Variants in TP53AIP1 observed in about 807,000 individuals in gnomAD.
The protein encoded by TP53AIP1 is p53-regulated apoptosis-inducing protein 1.
TP53AIP1 carries 14 observed loss-of-function variants against 9.5 expected under a neutral mutation model. That is an observed-to-expected ratio of 1.47 (90% confidence interval 0.97 to 2.30). The LOEUF (loss-of-function observed/expected upper bound fraction) is 2.30. Ranked by LOEUF, TP53AIP1 falls within the 30% of genes most tolerant of loss-of-function variation. The pLI, the probability that TP53AIP1 is intolerant of heterozygous loss-of-function variation, is 0.00. For missense variants in TP53AIP1, 153 were observed against 146.7 expected (o/e 1.04, Z -0.22); for synonymous variants, 73 against 61.2 (o/e 1.19, Z -0.90).
downstream of TP53AIP1, chr11:128,935,341 T>C (rs1041949892): frequency 2.1e-6 from 3 of 1,418,458 alleles, no homozygotes; most frequent in African/African-American, 4.3e-5. Context: ...AAGTGGATAT[T>C]ATAGATTGGA....
intron 1 of TP53AIP1, among the ~76,000 whole-genome samples, chr11:128,938,789 G>A (rs1944886936): frequency 6.6e-6 from 1 of 152,144 alleles, no homozygotes; most frequent in African/African-American, 2.4e-5. Context: ...CCACAGAATG[G>A]AGGGAGACAG....
Position 128,937,314 on chromosome 11 carries a change from C to A in TP53AIP1, c.141+364G>T, listed in dbSNP as rs4987001. The A allele has an allele frequency of 3.6e-6, 5 of 1,379,308 alleles. No individual in the cohort carries two copies. In the East Asian group the frequency reaches 8.0e-5, roughly 22 times the overall value. 85.4% of individuals were successfully genotyped at this position (1,379,308 alleles called of 1,614,324 possible). On this transcript the variant is annotated intron_variant, in intron 2 of 3. Coordinates refer to ENST00000531399, the MANE Select transcript of TP53AIP1 (RefSeq NM_022112.3). The surrounding 1 kb of genome is among the most constrained non-coding windows in gnomAD (Gnocchi z 4.8). ...TGCACCCCAGCCTTCCCTCCCCATG[C>A]GCTCCACATGCGTCCTTTGTTCAGC...
At chr11:128,935,889 T>C in intron 3 of TP53AIP1, 177 bp from the exon 4 acceptor site, 1 of 1,319,616 alleles carries the variant, frequency 7.6e-7, no homozygotes, top group Non-Finnish European at 9.6e-7. Context: ...AAAAAAAATC[T>C]TTAGATTTCA....
At chr11:128,941,021 TAGG>T (rs1321862007) in intron 1 of TP53AIP1, among the ~76,000 whole-genome samples, 2 of 128,978 alleles carry the variant, frequency 1.6e-5, no homozygotes, top group Non-Finnish European at 3.5e-5. Flanking sequence ...GGGACAGAGC[TAGG>T]AGAAGGGAGG....
chr11:128,934,866 C>T, downstream of TP53AIP1: 2 of 627,916 alleles, frequency 3.2e-6, no homozygotes, highest in Non-Finnish European at 5.8e-6. Flanking sequence ...GTCATGCCCA[C>T]TGGGGATCCT....
intron 1 of TP53AIP1, among the ~76,000 whole-genome samples, chr11:128,940,883 C>T (rs767130820): frequency 3.9e-5 from 6 of 152,178 alleles, no homozygotes; most frequent in South Asian, 2.1e-4. Flanking sequence ...GCTTCAGCGC[C>T]GCCAGCATCA....
rs1181013615 is a variant in TP53AIP1 at position 128,939,668 on chromosome 11, G to A, written c.-76-1774C>T. 6.6e-6 allele frequency among the ~76,000 whole-genome samples: 1 copy of A among 152,188 alleles called. No individual in the cohort carries two copies. The highest frequency in any genetic ancestry group is 1.9e-4 in the East Asian group (1 of 5,196). On this transcript the variant is annotated intron_variant, in intron 1 of 3. Coordinates refer to ENST00000531399, the MANE Select transcript of TP53AIP1 (RefSeq NM_022112.3). The surrounding 1 kb of genome is among the most constrained non-coding windows in gnomAD (Gnocchi z 4.1). ...CCCGAAACTGTCGGATTCTCTAAGA[G>A]GTCCGTCACAACCCATCTTAATGCA...
downstream of TP53AIP1, chr11:128,934,871 G>A (rs1944778654): frequency 4.7e-6 from 3 of 631,624 alleles, no homozygotes; most frequent in Admixed American, 2.3e-5. Flanking sequence ...GCCCACTGGG[G>A]ATCCTCGGAA....
chr11:128,941,684 CAAT>C (rs1311072841), intron 1 of TP53AIP1, among the ~76,000 whole-genome samples: 1 of 152,246 alleles, frequency 6.6e-6, no homozygotes, highest in Non-Finnish European at 1.5e-5. Context: ...CTCTCTTCAG[CAAT>C]AATTAGTCCC....
chr11:128,938,275 C>A (rs1944872966), intron 1 of TP53AIP1, among the ~76,000 whole-genome samples: 1 of 152,196 alleles, frequency 6.6e-6, no homozygotes, highest in Admixed American at 6.5e-5. Flanking sequence ...GATTCACATT[C>A]ATTCATTACA....
chr11:128,935,338 T>C (rs1052196914), downstream of TP53AIP1: 2 of 1,417,702 alleles, frequency 1.4e-6, no homozygotes, highest in African/African-American at 1.4e-5. Flanking sequence ...AGCAAGTGGA[T>C]ATTATAGATT....
chr11:128,936,268 C>T (rs1250332756), intron 3 of TP53AIP1: 2 of 1,193,998 alleles, frequency 1.7e-6, no homozygotes, highest in South Asian at 2.6e-5. Context: ...ATGGCCCATT[C>T]CAGAAAGTTC....
chr11:128,935,353 T>G, downstream of TP53AIP1: 1 of 1,416,366 alleles, frequency 7.1e-7, no homozygotes, highest in Non-Finnish European at 9.2e-7. Context: ...TAGATTGGAA[T>G]GCAAACTTCA....
intron 1 of TP53AIP1, among the ~76,000 whole-genome samples, chr11:128,938,342 G>C (rs904313007): frequency 3.3e-5 from 5 of 152,084 alleles, no homozygotes; most frequent in African/African-American, 1.2e-4. Context: ...CAGATTCAGG[G>C]AAAGGAGTCT....
At chr11:128,934,763 C>T (rs557579030), downstream of TP53AIP1, 127 of 464,242 alleles carry the variant, frequency 2.7e-4, no homozygotes, top group Admixed American at 6.1e-4. Flanking sequence ...GGAAGGTGAA[C>T]CTAGAATGCA....
At chr11:128,941,944 T>A (rs752039162) in intron 1 of TP53AIP1, among the ~76,000 whole-genome samples, 1 of 152,206 alleles carries the variant, frequency 6.6e-6, no homozygotes, top group Admixed American at 6.5e-5. Context: ...CTAGAGGTTG[T>A]GGCAAACACA....
chr11:128,935,867 TCCC>T, intron 3 of TP53AIP1, 155 bp from the exon 4 acceptor site: 1 of 1,322,004 alleles, frequency 7.6e-7, no homozygotes, highest in South Asian at 2.6e-5. Flanking sequence ...TTATTCTATC[TCCC>T]AAGACAGGAA....
intron 1 of TP53AIP1, among the ~76,000 whole-genome samples, chr11:128,941,298 G>A (rs1650502865): frequency 6.6e-6 from 1 of 152,102 alleles, no homozygotes; most frequent in Non-Finnish European, 1.5e-5. Context: ...TCCCTCCCCT[G>A]GCCAGTGTCC....
chr11:128,935,886 AT>A (rs1944812982), intron 3 of TP53AIP1, 174 bp from the exon 4 acceptor site: 1 of 1,319,154 alleles, frequency 7.6e-7, no homozygotes, highest in Admixed American at 3.5e-5. Flanking sequence ...AGGAAAAAAA[AT>A]CTTTAGATTT....
Sources: allele counts gnomAD v4.1 joint callset (sites outside exome capture counted in the v4.1 genomes callset), GRCh38; gene constraint gnomAD v4.1.1; non-coding constraint Gnocchi (gnomAD v3.1); transcripts MANE v1.5; gene names NCBI Gene and HGNC (gene_info 2026-07-23, HGNC 2026-07-21).